Variants in CASQ2 observed in about 807,000 individuals in gnomAD.
CASQ2 encodes calsequestrin-2.
In CASQ2, 49 loss-of-function variants were observed where a neutral mutation model predicts 46.5. The ratio of observed to expected loss-of-function variants is 1.05; its 90% confidence interval spans 0.84 to 1.34. The LOEUF (loss-of-function observed/expected upper bound fraction) is 1.34. Ranked by LOEUF, CASQ2 falls within the 40% of genes most tolerant of loss-of-function variation. The pLI is 0.00. For missense variants in CASQ2, 486 were observed against 481.3 expected (o/e 1.01, Z -0.09); for synonymous variants, 174 against 168.5 (o/e 1.03, Z -0.25).
chr1:115,766,693 A>C (rs1649141650), intron 1 of CASQ2, among the ~76,000 whole-genome samples: 1 of 152,172 alleles, frequency 6.6e-6, no homozygotes, highest in African/African-American at 2.4e-5. Context: ...GAGGGGCATC[A>C]AATTAACTCC....
At chr1:115,706,908 T>C (rs1654380718) in intron 8 of CASQ2, among the ~76,000 whole-genome samples, 1 of 152,212 alleles carries the variant, frequency 6.6e-6, no homozygotes. Flanking sequence ...ATACTATTCT[T>C]AGCAACTCTA....
chr1:115,735,894 G>C (rs1341480588), intron 4 of CASQ2, among the ~76,000 whole-genome samples: 1 of 152,200 alleles, frequency 6.6e-6, no homozygotes, highest in Non-Finnish European at 1.5e-5. Flanking sequence ...GGACGTAGTG[G>C]CTCACGCCTG....
chr1:115,753,744 T>C (rs1648662013), intron 1 of CASQ2, among the ~76,000 whole-genome samples: 1 of 152,076 alleles, frequency 6.6e-6, no homozygotes, highest in Non-Finnish European at 1.5e-5. Flanking sequence ...TTGTACCATT[T>C]CCCAAGAACT....
chr1:115,706,966 AGATTCAG>A (rs1654383467), intron 8 of CASQ2, among the ~76,000 whole-genome samples: 2 of 152,044 alleles, frequency 1.3e-5, no homozygotes, highest in African/African-American at 2.4e-5. Context: ...CTCACACTGA[AGATTCAG>A]GCTGAGCCCC....
At chr1:115,758,081 T>C (rs924915285) in intron 1 of CASQ2, among the ~76,000 whole-genome samples, 4 of 152,220 alleles carry the variant, frequency 2.6e-5, no homozygotes, top group Non-Finnish European at 5.9e-5. Flanking sequence ...ATCTGTCCCT[T>C]CATAAGTTGG....
chr1:115,724,215 T>C (rs559187990), intron 7 of CASQ2, among the ~76,000 whole-genome samples: 17 of 152,356 alleles, frequency 1.1e-4, no homozygotes, highest in African/African-American at 2.9e-4. Context: ...CAAGAACTAA[T>C]GGTTTTTAGT....
At position 115,719,276 on chromosome 1, in the gene CASQ2, C is replaced by T. The variant is rs375007301; in HGVS notation, c.784-1382G>A. 1.5e-3 allele frequency among the ~76,000 whole-genome samples: 38 copies of T among 25,506 alleles called. No individual in the cohort carries two copies. In the South Asian group the frequency reaches 0.039, roughly 26 times the overall value. The allele number at this position is 25,506 out of a possible 152,430, so 16.7% of individuals were successfully genotyped here. On this transcript the variant is annotated intron_variant, in intron 7 of 10. Transcript: ENST00000261448. ...GTGTGTGCCGGCTTATTACACAAAT[C>T]GACAGCAACCAGAAGGGGAGTCTGA...
chr1:115,763,890 A>G lies in CASQ2; in HGVS notation c.234+4418T>C, dbSNP rs189804723. ...GTTTCAAGGAAAAAGAGGAAGCAGGAAACAAAGCAGCAAGGAGAAACTGAA... is the reference window on the plus strand; with the variant it reads ...GTTTCAAGGAAAAAGAGGAAGCAGGGAACAAAGCAGCAAGGAGAAACTGAA... On this transcript the variant is annotated intron_variant, in intron 1 of 10. Transcript: ENST00000261448. 3.9e-4 allele frequency among the ~76,000 whole-genome samples: 60 copies of G among 152,306 alleles called. 1 individual carries two copies. Among genetic ancestry groups the G allele is most frequent in the African/African-American group, 1.4e-3 (59 of 41,576 alleles).
At chr1:115,764,034 C>G (rs1307337694) in intron 1 of CASQ2, among the ~76,000 whole-genome samples, 2 of 151,872 alleles carry the variant, frequency 1.3e-5, no homozygotes, top group Non-Finnish European at 2.9e-5. Context: ...AAAATTGCAA[C>G]TCCCTTTATA....
At position 115,760,307 on chromosome 1, in the gene CASQ2, C is replaced by G. The variant is rs188102676; in HGVS notation, c.234+8001G>C. On this transcript the variant is annotated intron_variant, in intron 1 of 10. Transcript: ENST00000261448. ...AACTTTAATGTGCCTACAAACGACA[C>G]AGGGATCTCATTTAAATGCTAAGTT... Among the ~76,000 whole-genome samples, 43 of 152,342 alleles carry G rather than the reference C, an allele frequency of 2.8e-4. No individual in the cohort carries two copies. The East Asian group carries it at 5.2e-3, about 18-fold the overall frequency.
At chr1:115,714,031 C>T (rs1025789424) in intron 8 of CASQ2, among the ~76,000 whole-genome samples, 6 of 152,164 alleles carry the variant, frequency 3.9e-5, no homozygotes, top group South Asian at 2.1e-4. Context: ...CTGCTACAGA[C>T]GTATATGCCA....
rs776008006 is a variant in CASQ2, at chr1:115,738,342, T to A, written c.421-7A>T. On this transcript the variant is annotated splice_polypyrimidine_tract_variant and splice_region_variant and intron_variant, in intron 3 of 10. Transcript: ENST00000261448. ...CCACTGGGTCTTCAATTAGCTGAAA[T>A]GCCACACGCACATACACACATGTTC... is the stretch of plus-strand genomic sequence containing the variant. 111 of 1,534,582 alleles carry A rather than the reference T, an allele frequency of 7.2e-5. No individual in the cohort carries two copies. The highest frequency in any genetic ancestry group is 9.8e-5 in the Non-Finnish European group (108 of 1,107,638).
At chr1:115,757,509 C>G (rs981269133) in intron 1 of CASQ2, among the ~76,000 whole-genome samples, 1 of 152,154 alleles carries the variant, frequency 6.6e-6, no homozygotes, top group African/African-American at 2.4e-5. Flanking sequence ...GTTGCTATTC[C>G]CTCCCCAGCG....
At chr1:115,707,877 A>G (rs2101058676) in intron 8 of CASQ2, among the ~76,000 whole-genome samples, 1 of 152,372 alleles carries the variant, frequency 6.6e-6, no homozygotes, top group Non-Finnish European at 1.5e-5. Flanking sequence ...GAAAGTAGAA[A>G]GTAAACTTGT....
In CASQ2 at chr1:115,728,916, T is replaced by C. The variant is rs541011228; in HGVS notation, c.607-1794A>G. Among the ~76,000 whole-genome samples the C allele has an allele frequency of 2.0e-5, 3 of 152,190 alleles. No homozygotes were observed. The East Asian group carries it at 5.8e-4, about 29-fold the overall frequency. ...AGAATGTAAAAATTGGATTGTCGTG[T>C]CCTTAATTTAAGTCTTGGAAATGCT... On this transcript the variant is annotated intron_variant, in intron 5 of 10. Coordinates refer to ENST00000261448, the MANE Select transcript of CASQ2 (RefSeq NM_001232.4).
At chr1:115,763,769 A>G (rs1295337441) in intron 1 of CASQ2, among the ~76,000 whole-genome samples, 1 of 152,144 alleles carries the variant, frequency 6.6e-6, no homozygotes, top group Non-Finnish European at 1.5e-5. Context: ...CTTCAACCTG[A>G]GGGAAATGGT....
chr1:115,735,695 G>A (rs1338517539), intron 4 of CASQ2, among the ~76,000 whole-genome samples: 2 of 152,108 alleles, frequency 1.3e-5, no homozygotes, highest in Non-Finnish European at 2.9e-5. Flanking sequence ...ATTTAATTAA[G>A]ATCTGTAATC....
chr1:115,749,871 C>T (rs536880562), intron 1 of CASQ2, among the ~76,000 whole-genome samples: 2 of 152,322 alleles, frequency 1.3e-5, no homozygotes, highest in East Asian at 1.9e-4. Flanking sequence ...TCCTGGCCAC[C>T]GTTGGCTGCA....
intron 8 of CASQ2, among the ~76,000 whole-genome samples, chr1:115,712,788 G>A (rs144197932): frequency 0.014 from 2,118 of 150,890 alleles, 78 homozygotes; most frequent in Admixed American, 0.081. Flanking sequence ...CCCGGGAGGT[G>A]GAGGTTGCAG....
Sources: allele counts gnomAD v4.1 joint callset (sites outside exome capture counted in the v4.1 genomes callset), GRCh38; gene constraint gnomAD v4.1.1; transcripts MANE v1.5; gene names NCBI Gene and HGNC (gene_info 2026-07-23, HGNC 2026-07-21).